Variants in FGD4 observed in about 807,000 individuals in gnomAD.
FGD4 encodes FYVE, RhoGEF and PH domain containing 4, also known as FYVE, RhoGEF and PH domain-containing protein 4.
FGD4 carries 42 observed loss-of-function variants against 102.0 expected under a neutral mutation model. The observed-to-expected ratio is 0.41, with a 90% CI of 0.32 to 0.53. The LOEUF (loss-of-function observed/expected upper bound fraction) is 0.53, where lower values mean the gene tolerates loss of function less well. Ranked by LOEUF, FGD4 falls within the 20% of genes least tolerant of loss-of-function variation. The probability of loss-of-function intolerance (pLI) is 0.21; values close to 1 mark genes in which losing one functional copy is unlikely to be tolerated. For synonymous variants in FGD4, 380 were observed against 375.7 expected (o/e 1.01, Z -0.13); for missense variants, 902 against 1,078.2 (o/e 0.84, Z 2.29).
At position 32,520,425 on chromosome 12, in the gene FGD4, G is replaced by GTTTTTTTT. The variant is rs572548423; in HGVS notation, c.167-43705_167-43704insTTTTTTTT. ...TGCCCTATTTTAAGTTCTATTGTGG[G>GTTTTTTTT]TTTTTTTGTTTTTTGTTTTTTTTTT... On this transcript the variant is annotated intron_variant, in intron 1 of 16. Transcript: ENST00000534526. Among the ~76,000 whole-genome samples, 14 of 111,386 alleles carry GTTTTTTTT rather than the reference G, an allele frequency of 1.3e-4. 1 individual carries two copies. Among genetic ancestry groups the GTTTTTTTT allele is most frequent in the South Asian group, 2.7e-4 (1 of 3,758 alleles). The allele number at this position is 111,386 out of a possible 152,430, so 73.1% of individuals were successfully genotyped here.
At chr12:32,567,711 AG>A (rs1365624882) in intron 2 of FGD4, among the ~76,000 whole-genome samples, 2 of 129,902 alleles carry the variant, frequency 1.5e-5, no homozygotes, top group Non-Finnish European at 3.2e-5. Context: ...TTTGAGAGAG[AG>A]GGTTTTATTC....
chr12:32,587,257 G>A (rs1947123954), intron 4 of FGD4, among the ~76,000 whole-genome samples: 1 of 151,572 alleles, frequency 6.6e-6, no homozygotes, highest in African/African-American at 2.4e-5. Flanking sequence ...GAAGGCTTTG[G>A]AATGAAAATA....
chr12:32,555,588 T>C lies in FGD4; in HGVS notation c.167-8549T>C, dbSNP rs540806242. Among the ~76,000 whole-genome samples, 1,097 of 149,698 alleles carry C rather than the reference T, an allele frequency of 7.3e-3. 17 individuals carry two copies. Among genetic ancestry groups the C allele is most frequent in the African/African-American group, 0.025 (994 of 40,520 alleles). ...CAAGGTCTTTTTTTTTTTTTTTTTT[T>C]CGAGATGGAGTCTCGCTCTGTCACC... On this transcript the variant is annotated intron_variant, in intron 1 of 16. Transcript: ENST00000534526.
At chr12:32,400,627 C>A (rs957488687) in intron 1 of FGD4, among the ~76,000 whole-genome samples, 1 of 152,136 alleles carries the variant, frequency 6.6e-6, no homozygotes, top group Non-Finnish European at 1.5e-5. Context: ...ACGTAATCTC[C>A]CCTGTCTTGT....
chr12:32,430,087 C>T (rs1242166714), intron 1 of FGD4, among the ~76,000 whole-genome samples: 5 of 152,142 alleles, frequency 3.3e-5, no homozygotes, highest in Non-Finnish European at 7.4e-5. Flanking sequence ...GCAGGCAGAT[C>T]ACCTGAGGTC....
chr12:32,482,650 A>T, intron 1 of FGD4, among the ~76,000 whole-genome samples: 1 of 152,220 alleles, frequency 6.6e-6, no homozygotes, highest in Admixed American at 6.5e-5. Flanking sequence ...CCAGGAATTT[A>T]GTTATGCAAA....
At chr12:32,459,517 T>C (rs1445018841) in intron 1 of FGD4, among the ~76,000 whole-genome samples, 1 of 152,012 alleles carries the variant, frequency 6.6e-6, no homozygotes, top group African/African-American at 2.4e-5. Flanking sequence ...ATAAGGATCA[T>C]AAAATGTAAA....
At chr12:32,512,991 C>A (rs1484300592) in intron 1 of FGD4, among the ~76,000 whole-genome samples, 1 of 152,158 alleles carries the variant, frequency 6.6e-6, no homozygotes, top group Non-Finnish European at 1.5e-5. Flanking sequence ...CCTGGACATT[C>A]ATTTAAACAT....
chr12:32,537,744 T>C lies in FGD4; in HGVS notation c.167-26393T>C, dbSNP rs145115660. ...TGGAATGCTAATCCTCAAAATATGTTATGCCTTATTCCCTTCATGTCTACT... is the reference window on the plus strand; with the variant it reads ...TGGAATGCTAATCCTCAAAATATGTCATGCCTTATTCCCTTCATGTCTACT... On this transcript the variant is annotated intron_variant, in intron 1 of 16. Coordinates refer to ENST00000534526, the MANE Select transcript of FGD4 (RefSeq NM_001370298.3). Among the ~76,000 whole-genome samples the C allele has an allele frequency of 1.9e-3, 286 of 152,332 alleles. 1 individual carries two copies. Among genetic ancestry groups the C allele is most frequent in the African/African-American group, 6.6e-3 (275 of 41,562 alleles).
intron 1 of FGD4, among the ~76,000 whole-genome samples, chr12:32,562,741 G>A (rs988710925): frequency 1.1e-4 from 16 of 152,176 alleles, no homozygotes; most frequent in Non-Finnish European, 1.6e-4. Context: ...AAAGGTCACC[G>A]ATCAACAGGA....
chr12:32,496,620 A>T (rs1937834216), intron 1 of FGD4, among the ~76,000 whole-genome samples: 1 of 152,234 alleles, frequency 6.6e-6, no homozygotes, highest in South Asian at 2.1e-4. Flanking sequence ...TACACTCCAC[A>T]CGTATTTTAG....
intron 1 of FGD4, among the ~76,000 whole-genome samples, chr12:32,480,658 G>A (rs1338418883): frequency 1.3e-5 from 2 of 150,776 alleles, no homozygotes; most frequent in African/African-American, 2.4e-5. Flanking sequence ...GCACCACCAT[G>A]GCCAGCTAAT....
intron 1 of FGD4, among the ~76,000 whole-genome samples, chr12:32,426,378 G>T (rs541216290): frequency 8.5e-5 from 13 of 152,274 alleles, no homozygotes; most frequent in African/African-American, 2.2e-4. Flanking sequence ...ATTGATTTAA[G>T]TATGTTGAAC....
At chr12:32,595,509 A>G (rs1178887846) in intron 4 of FGD4, among the ~76,000 whole-genome samples, 2 of 152,148 alleles carry the variant, frequency 1.3e-5, no homozygotes, top group Non-Finnish European at 2.9e-5. Context: ...GAAGCTTCCT[A>G]TTGCCAAAGC....
chr12:32,559,354 T>G (rs898543273), intron 1 of FGD4, among the ~76,000 whole-genome samples: 1 of 152,236 alleles, frequency 6.6e-6, no homozygotes, highest in African/African-American at 2.4e-5. Flanking sequence ...ATTTTTTTCC[T>G]GTAAAGGGCC....
intron 1 of FGD4, among the ~76,000 whole-genome samples, chr12:32,439,764 C>T (rs1942365266): frequency 1.3e-5 from 2 of 152,094 alleles, no homozygotes; most frequent in Admixed American, 1.3e-4. Context: ...ACTTTCTGCT[C>T]CTATCGCTCT....
intron 14 of FGD4, among the ~76,000 whole-genome samples, chr12:32,629,660 C>T (rs1950384052): frequency 1.3e-5 from 2 of 152,138 alleles, no homozygotes; most frequent in Admixed American, 1.3e-4. Context: ...GCATTTTATT[C>T]ATCTCTATCT....
intron 1 of FGD4, among the ~76,000 whole-genome samples, chr12:32,473,739 T>C (rs1040524330): frequency 1.3e-5 from 2 of 152,034 alleles, no homozygotes; most frequent in African/African-American, 4.8e-5. Context: ...CCCCAACATA[T>C]AATGGTAAGG....
intron 10 of FGD4, among the ~76,000 whole-genome samples, chr12:32,614,079 G>A (rs947378165): frequency 5.9e-5 from 9 of 152,106 alleles, no homozygotes; most frequent in Non-Finnish European, 8.8e-5. Context: ...TAATTGAAGA[G>A]GACTGACAAT....
Sources: gnomAD v4.1 joint callset for allele counts (sites outside exome capture counted in the v4.1 genomes callset) on GRCh38, gnomAD v4.1.1 for gene constraint, MANE v1.5 for transcripts, NCBI Gene and HGNC (gene_info 2026-07-23, HGNC 2026-07-21) for gene names.